USP37: variants seen among roughly 807,000 people sequenced by gnomAD.
The protein encoded by USP37 is ubiquitin specific peptidase 37.
A neutral mutation model predicts 124.0 loss-of-function variants in USP37; 27 were observed. That is an observed-to-expected ratio of 0.22 (90% CI 0.16 to 0.30). The LOEUF (loss-of-function observed/expected upper bound fraction) is 0.30. Ranked by LOEUF, USP37 falls within the 10% of genes least tolerant of loss-of-function variation. The pLI is 1.00. For synonymous variants in USP37, 365 were observed against 388.0 expected, an observed-to-expected ratio of 0.94 and a Z score of 0.70; for missense variants, 889 against 1,140.4, an observed-to-expected ratio of 0.78 and a Z score of 3.17.
intron 1 of USP37, among the ~76,000 whole-genome samples, chr2:218,564,700 G>T (rs998516362): frequency 6.6e-6 from 1 of 151,936 alleles, no homozygotes; most frequent in Non-Finnish European, 1.5e-5. Context: ...ACAGAACTTG[G>T]GTACTCTAAC....
intron 20 of USP37, among the ~76,000 whole-genome samples, chr2:218,469,368 A>T (rs993615211): frequency 6.6e-6 from 1 of 152,192 alleles, no homozygotes; most frequent in Non-Finnish European, 1.5e-5. Flanking sequence ...TATTTGACTC[A>T]ACCAATCAGA....
chr2:218,514,130 T>C (rs972310449), intron 10 of USP37: 2 of 152,160 alleles, frequency 1.3e-5, no homozygotes, highest in African/African-American at 2.4e-5. Context: ...GAAACAGTTT[T>C]AGATTTACAA....
Position 218,454,866 on chromosome 2 carries a change from G to T in USP37, c.*64C>A. ...AATTCCAAATTCTCCTTCAGCAGAG[G>T]AAAGGTGAGGTGGGCAGCAGTAACA... is the stretch of plus-strand genomic sequence containing the variant. On this transcript the variant is annotated 3_prime_UTR_variant, in exon 26 of 26. Transcript: ENST00000258399. 1 of 1,585,724 alleles carries T rather than the reference G, an allele frequency of 6.3e-7. No individual in the cohort carries two copies. The highest frequency in any genetic ancestry group is 2.3e-5 in the East Asian group (1 of 44,438).
At chr2:218,499,151 G>A (rs895221591) in intron 11 of USP37, among the ~76,000 whole-genome samples, 1 of 152,166 alleles carries the variant, frequency 6.6e-6, no homozygotes, top group Non-Finnish European at 1.5e-5. Context: ...GCATGCGCCT[G>A]TAGTCCCAGC....
chr2:218,517,759 T>C lies in USP37; in HGVS notation c.864-7619A>G, dbSNP rs575802467. ...ATTCTAAAGTCTGATTTTATCACTT[T>C]TGGAAAATTCTCAGCCAATATCTTT... On this transcript the variant is annotated intron_variant, in intron 10 of 25. Coordinates refer to ENST00000258399, the MANE Select transcript of USP37 (RefSeq NM_020935.3). Among the ~76,000 whole-genome samples the C allele has an allele frequency of 4.6e-5, 7 of 152,324 alleles. No individual in the cohort carries two copies. The East Asian group carries it at 1.3e-3, about 29-fold the overall frequency.
chr2:218,551,544 T>C (rs1397381284), intron 5 of USP37, among the ~76,000 whole-genome samples: 1 of 152,230 alleles, frequency 6.6e-6, no homozygotes, highest in Non-Finnish European at 1.5e-5. Flanking sequence ...CAGGCAGAGC[T>C]AGAATTTCAA....
intron 11 of USP37, among the ~76,000 whole-genome samples, chr2:218,498,648 A>AC (rs1689200274): frequency 6.6e-6 from 1 of 152,046 alleles, no homozygotes; most frequent in East Asian, 1.9e-4. Context: ...AATCGCTTGA[A>AC]CCCAGGAGGC....
intron 11 of USP37, among the ~76,000 whole-genome samples, chr2:218,503,505 C>T (rs1158098297): frequency 1.3e-5 from 2 of 152,196 alleles, no homozygotes; most frequent in East Asian, 1.9e-4. Flanking sequence ...CACCTGAGGT[C>T]AGGAGTTCGA....
At chr2:218,519,699 G>A (rs1184382796) in intron 10 of USP37, among the ~76,000 whole-genome samples, 2 of 151,518 alleles carry the variant, frequency 1.3e-5, no homozygotes, top group East Asian at 1.9e-4. Context: ...CAGTAGTGGC[G>A]GGATCTTGGC....
chr2:218,558,452 A>T (rs1286830705), intron 4 of USP37, 46 bp downstream of exon 4: 14 of 1,561,756 alleles, frequency 9.0e-6, no homozygotes, highest in Non-Finnish European at 1.1e-5. Context: ...GCTATTTACT[A>T]AATGATCTGC....
At position 218,453,275 on chromosome 2, in the gene USP37, T is replaced by C. The variant is rs1381290874; in HGVS notation, c.*1655A>G. 6.6e-6 allele frequency: 1 copy of C among 152,010 alleles called. No individual in the cohort carries two copies. The highest frequency in any genetic ancestry group is 1.5e-5 in the Non-Finnish European group (1 of 68,002). 9.4% of individuals were successfully genotyped at this position (152,010 alleles called of 1,614,324 possible). Reference sequence around the variant, plus strand: ...TTTTTTTGTTTTTGTTTTCGTTTTTTTTAATGAGATGGAGTCTCACTCTGT... The same window carrying C: ...TTTTTTTGTTTTTGTTTTCGTTTTTCTTAATGAGATGGAGTCTCACTCTGT... On this transcript the variant is annotated 3_prime_UTR_variant, in exon 26 of 26. Coordinates refer to ENST00000258399, the MANE Select transcript of USP37 (RefSeq NM_020935.3).
chr2:218,458,004 C>A (rs1357907860), intron 23 of USP37, among the ~76,000 whole-genome samples: 2 of 142,274 alleles, frequency 1.4e-5, no homozygotes, highest in Admixed American at 7.3e-5. Flanking sequence ...CGGGCCACTG[C>A]ACTCCAGCCT....
At chr2:218,472,240 T>C (rs941061774) in intron 20 of USP37, among the ~76,000 whole-genome samples, 1 of 152,040 alleles carries the variant, frequency 6.6e-6, no homozygotes, top group African/African-American at 2.4e-5. Flanking sequence ...ACAGAATCAA[T>C]TCAATCACAT....
Position 218,454,108 on chromosome 2 carries a change from A to G in USP37, c.*822T>C, listed in dbSNP as rs1276491367. 2 of 152,648 alleles carry G rather than the reference A, an allele frequency of 1.3e-5. No homozygotes were observed. Among genetic ancestry groups the G allele is most frequent in the Non-Finnish European group, 2.9e-5 (2 of 68,038 alleles). The allele number at this position is 152,648 out of a possible 1,614,324, so 9.5% of individuals were successfully genotyped here. ...AAAAAAGAAAAAAGATTCTATCTTT[A>G]CCACCATAATAATGATGATGATATA... On this transcript the variant is annotated 3_prime_UTR_variant, in exon 26 of 26. Coordinates refer to ENST00000258399, the MANE Select transcript of USP37 (RefSeq NM_020935.3).
intron 11 of USP37, among the ~76,000 whole-genome samples, chr2:218,507,016 T>C (rs931093670): frequency 2.6e-5 from 4 of 152,082 alleles, no homozygotes; most frequent in Non-Finnish European, 4.4e-5. Context: ...CAGGTTGGTT[T>C]TGAACTCCTG....
chr2:218,535,841 C>T (rs12474707), intron 8 of USP37, among the ~76,000 whole-genome samples: 2,263 of 133,876 alleles, frequency 0.017, 32 homozygotes, highest in South Asian at 0.076. Flanking sequence ...GGTGACAGAG[C>T]GAGACTCTGT....
chr2:218,494,828 T>G (rs1333135817), intron 14 of USP37, among the ~76,000 whole-genome samples: 1 of 152,160 alleles, frequency 6.6e-6, no homozygotes, highest in Non-Finnish European at 1.5e-5. Context: ...ATGTAGAAAG[T>G]CTGGATAATT....
chr2:218,542,394 T>A (rs1182958383), intron 8 of USP37, among the ~76,000 whole-genome samples: 1 of 152,206 alleles, frequency 6.6e-6, no homozygotes, highest in Non-Finnish European at 1.5e-5. Context: ...CATGCTAGAC[T>A]GGCATGCACA....
chr2:218,544,459 A>AGAGAGAGAGAGAGAGAGAGAGAGG (rs1457872657), intron 8 of USP37, among the ~76,000 whole-genome samples: 5 of 143,304 alleles, frequency 3.5e-5, no homozygotes, highest in African/African-American at 1.3e-4. Context: ...AGAGAGAGAG[A>AGAGAGAGAGAGAGAGAGAGAGAGG]GACCCCAATT....
Sources: allele counts gnomAD v4.1 joint callset (sites outside exome capture counted in the v4.1 genomes callset), GRCh38; gene constraint gnomAD v4.1.1; transcripts MANE v1.5; gene names NCBI Gene and HGNC (gene_info 2026-07-23, HGNC 2026-07-21).